OSMR: variants seen among roughly 807,000 people sequenced by gnomAD.
The protein encoded by OSMR is oncostatin M receptor.
Under a neutral mutation model 99.9 loss-of-function variants are expected in OSMR, and 81 were observed. That is an observed-to-expected ratio of 0.81 (90% confidence interval 0.68 to 0.97). OSMR has a LOEUF of 0.97. Among genes scored for constraint, OSMR ranks in the 50% least tolerant of loss-of-function variants. The probability of loss-of-function intolerance (pLI) is 0.00; values close to 1 mark genes in which losing one functional copy is unlikely to be tolerated. For missense variants in OSMR, 1,099 were observed against 1,153.4 expected (o/e 0.95, Z 0.68); for synonymous variants, 406 against 410.4 (o/e 0.99, Z 0.13).
chr5:38,925,374 G>T lies in OSMR; in HGVS notation c.2212+3G>T. 1 of 1,612,552 alleles carries T rather than the reference G, an allele frequency of 6.2e-7. No homozygotes were observed. The highest frequency in any genetic ancestry group is 8.5e-7 in the Non-Finnish European group (1 of 1,178,546). ...GGTCACGACTCCGGATGAACACTGT[G>T]AGTTTTCCCAAATCAAAGTTCTTCC... is the stretch of plus-strand genomic sequence containing the variant. On this transcript the variant is annotated splice_donor_region_variant and intron_variant, in intron 15 of 17. Transcript: ENST00000274276.
intron 1 of OSMR, among the ~76,000 whole-genome samples, chr5:38,865,309 A>G (rs561841890): frequency 4.6e-5 from 7 of 151,998 alleles, no homozygotes; most frequent in Admixed American, 3.3e-4. Flanking sequence ...TTGCTTTTTC[A>G]TGTTTCTTGT....
intron 7 of OSMR, among the ~76,000 whole-genome samples, chr5:38,902,791 T>C (rs539615493): frequency 2.3e-4 from 35 of 152,324 alleles, no homozygotes; most frequent in African/African-American, 7.2e-4. Context: ...CTCAGATGTC[T>C]CAAGGACCAT....
intron 9 of OSMR, among the ~76,000 whole-genome samples, chr5:38,908,214 A>C (rs1474671803): frequency 6.6e-6 from 1 of 152,116 alleles, no homozygotes; most frequent in Admixed American, 6.5e-5. Flanking sequence ...TGGCAACTCT[A>C]CCCACCCCTG....
At chr5:38,868,612 G>T (rs1285446971) in intron 1 of OSMR, among the ~76,000 whole-genome samples, 1 of 152,146 alleles carries the variant, frequency 6.6e-6, no homozygotes, top group African/African-American at 2.4e-5. Flanking sequence ...CTCCTGCCAT[G>T]ATTCTGGGGC....
Position 38,932,450 on chromosome 5 carries a change from CTTTT to C in OSMR, c.2295-8_2295-5del. The C allele has an allele frequency of 2.5e-6, 4 of 1,606,672 alleles. No individual in the cohort carries two copies. The highest frequency in any genetic ancestry group is 2.6e-6 in the Non-Finnish European group (3 of 1,173,332). On this transcript the variant is annotated splice_polypyrimidine_tract_variant and intron_variant, in intron 16 of 17. Transcript: ENST00000274276. ...ACTGTGAAATTCAGTCTCATTTTCG[CTTTT>C]TTTTCTAGGATCAAGGAGACCTGTT...
intron 7 of OSMR, among the ~76,000 whole-genome samples, chr5:38,895,062 A>G (rs1231246299): frequency 6.6e-6 from 1 of 152,118 alleles, no homozygotes; most frequent in East Asian, 1.9e-4. Context: ...AAAAACAGAG[A>G]CATAACATAC....
chr5:38,894,042 A>G (rs539128015), intron 7 of OSMR, among the ~76,000 whole-genome samples: 1 of 152,258 alleles, frequency 6.6e-6, no homozygotes, highest in African/African-American at 2.4e-5. Flanking sequence ...CAAAGGAAAG[A>G]CATTCCAACC....
At chr5:38,866,329 G>T (rs1741941175) in intron 1 of OSMR, among the ~76,000 whole-genome samples, 1 of 152,110 alleles carries the variant, frequency 6.6e-6, no homozygotes, top group African/African-American at 2.4e-5. Flanking sequence ...GGGTGGACTG[G>T]TCCCCAGCCC....
At chr5:38,877,078 C>T (rs1389940036) in intron 3 of OSMR, among the ~76,000 whole-genome samples, 2 of 152,176 alleles carry the variant, frequency 1.3e-5, no homozygotes, top group African/African-American at 2.4e-5. Context: ...TTCCATTTCT[C>T]ATCTGGGAAC....
intron 1 of OSMR, among the ~76,000 whole-genome samples, chr5:38,848,989 A>C (rs2111995885): frequency 6.6e-6 from 1 of 152,074 alleles, no homozygotes; most frequent in South Asian, 2.1e-4. Context: ...TGATGCCCAG[A>C]CTGGTCTTGA....
chr5:38,935,975 C>G (rs1474309261), downstream of OSMR, among the ~76,000 whole-genome samples: 1 of 152,146 alleles, frequency 6.6e-6, no homozygotes, highest in Non-Finnish European at 1.5e-5. Context: ...CATTTCGTCT[C>G]CAATGGTCAT....
chr5:38,884,871 T>A (rs1393111), intron 5 of OSMR, among the ~76,000 whole-genome samples: 5,465 of 152,224 alleles, frequency 0.036, 288 homozygotes, highest in African/African-American at 0.11. Flanking sequence ...GATGCCTGGT[T>A]CATCTATGTC....
chr5:38,944,533 C>T (rs1747956205), intron 2 of OSMR: 2 of 1,609,636 alleles, frequency 1.2e-6, no homozygotes, highest in Non-Finnish European at 1.7e-6. Flanking sequence ...AAGGAGTATA[C>T]GGCACATTGG....
intron 9 of OSMR, among the ~76,000 whole-genome samples, chr5:38,912,600 A>C (rs911600794): frequency 1.3e-5 from 2 of 152,330 alleles, no homozygotes; most frequent in East Asian, 3.9e-4. Flanking sequence ...GGAAACAAAA[A>C]AGAGCCTATA....
At chr5:38,895,272 A>G (rs1744432831) in intron 7 of OSMR, among the ~76,000 whole-genome samples, 1 of 152,052 alleles carries the variant, frequency 6.6e-6, no homozygotes, top group South Asian at 2.1e-4. Flanking sequence ...TGAAATTGAG[A>G]CCCCAAAACC....
At chr5:38,869,666 C>A (rs1006369383) in intron 2 of OSMR, among the ~76,000 whole-genome samples, 2 of 152,246 alleles carry the variant, frequency 1.3e-5, no homozygotes, top group African/African-American at 4.8e-5. Flanking sequence ...ATATTTGTCA[C>A]TTAGCTACTC....
chr5:38,944,270 G>A, exon 2 of OSMR: 1 of 682,952 alleles, frequency 1.5e-6, no homozygotes, highest in East Asian at 2.8e-5. Flanking sequence ...TCAATCTGTT[G>A]CCATATGTTG....
intron 7 of OSMR, among the ~76,000 whole-genome samples, chr5:38,895,887 G>C (rs1744474487): frequency 6.6e-6 from 1 of 151,848 alleles, no homozygotes; most frequent in Admixed American, 6.6e-5. Flanking sequence ...AGTTTTCCCA[G>C]CACTATTTAT....
At chr5:38,910,494 C>T (rs559297363) in intron 9 of OSMR, among the ~76,000 whole-genome samples, 36 of 152,126 alleles carry the variant, frequency 2.4e-4, no homozygotes, top group African/African-American at 7.7e-4. Flanking sequence ...AAAGAAAACC[C>T]GAAATAATAC....
Sources: allele counts gnomAD v4.1 joint callset (sites outside exome capture counted in the v4.1 genomes callset), GRCh38; gene constraint gnomAD v4.1.1; transcripts MANE v1.5; gene names NCBI Gene and HGNC (gene_info 2026-07-23, HGNC 2026-07-21).